QKI: variants seen among roughly 807,000 people sequenced by gnomAD.
QKI encodes the protein QKI, KH domain containing RNA binding.
QKI carries 10 observed loss-of-function variants against 39.0 expected under a neutral mutation model. The observed-to-expected ratio is 0.26, with a 90% confidence interval of 0.16 to 0.43. The LOEUF (loss-of-function observed/expected upper bound fraction) is 0.43. Ranked by LOEUF, QKI falls within the 20% of genes least tolerant of loss-of-function variation. The pLI is 1.00. For missense variants in QKI, 218 were observed against 428.0 expected (o/e 0.51, Z 4.33); for synonymous variants, 204 against 155.4 (o/e 1.31, Z -2.33).
At chr6:163,537,698 G>GA (rs1244748162) in intron 4 of QKI, among the ~76,000 whole-genome samples, 1 of 152,144 alleles carries the variant, frequency 6.6e-6, no homozygotes, top group Non-Finnish European at 1.5e-5. Context: ...CCATGGTCCT[G>GA]AAAAACACCA....
At chr6:163,564,135 AAGT>A (rs1439078693) in intron 6 of QKI, 4 of 1,029,894 alleles carry the variant, frequency 3.9e-6, no homozygotes, top group Non-Finnish European at 4.7e-6. Flanking sequence ...TTCTAAGTGA[AAGT>A]AGTCTGAGCG....
chr6:163,429,699 GGTT>G (rs1209696333), intron 1 of QKI, among the ~76,000 whole-genome samples: 1 of 152,136 alleles, frequency 6.6e-6, no homozygotes, highest in Non-Finnish European at 1.5e-5. Context: ...AGTAGAAACT[GGTT>G]GTTAGGATGC....
intron 4 of QKI, among the ~76,000 whole-genome samples, 174 bp downstream of exon 4, chr6:163,535,299 A>G (rs1246847786): frequency 6.6e-6 from 1 of 152,150 alleles, no homozygotes; most frequent in Non-Finnish European, 1.5e-5. Context: ...TAAAGTTCGT[A>G]TTTAGGGGTC....
chr6:163,415,094 G>C lies in QKI; in HGVS notation c.-100G>C. ...GGAGCCGGCGCGGAGCGGGACGCCG[G>C]GTCCCGAGCGGCCCGCGGCCGGGGC... On this transcript the variant is annotated 5_prime_UTR_variant, in exon 1 of 8. Coordinates refer to ENST00000361752, the MANE Select transcript of QKI (RefSeq NM_006775.3). 1 of 1,008,144 alleles carries C rather than the reference G, an allele frequency of 9.9e-7. No homozygotes were observed. Among genetic ancestry groups the C allele is most frequent in the Admixed American group, 6.2e-5 (1 of 16,184 alleles). The allele number at this position is 1,008,144 out of a possible 1,614,324, so 62.4% of individuals were successfully genotyped here.
At chr6:163,460,565 A>C (rs1037720119) in intron 2 of QKI, among the ~76,000 whole-genome samples, 7 of 152,114 alleles carry the variant, frequency 4.6e-5, no homozygotes, top group African/African-American at 1.7e-4. Context: ...TAGTTAGCAT[A>C]GGGTTGTTGT....
intron 1 of QKI, among the ~76,000 whole-genome samples, chr6:163,433,797 GC>G (rs1356268849): frequency 2.0e-5 from 3 of 152,176 alleles, no homozygotes; most frequent in African/African-American, 7.2e-5. Flanking sequence ...ACGAAAGGTA[GC>G]ATGCCTTGCA....
chr6:163,480,232 G>GGTCTGTCT (rs200667684), intron 3 of QKI, among the ~76,000 whole-genome samples: 6 of 151,794 alleles, frequency 4.0e-5, no homozygotes, highest in African/African-American at 1.2e-4. Flanking sequence ...AGGAAGGTTT[G>GGTCTGTCT]GTCTGTCTGT....
intron 4 of QKI, among the ~76,000 whole-genome samples, chr6:163,549,733 A>G (rs1262324132): frequency 2.6e-5 from 4 of 152,092 alleles, no homozygotes; most frequent in African/African-American, 7.2e-5. Context: ...CAAAACAAAA[A>G]CATACTACAT....
intron 1 of QKI, among the ~76,000 whole-genome samples, chr6:163,444,540 A>G (rs1192067593): frequency 4.7e-5 from 2 of 42,738 alleles, no homozygotes; most frequent in Non-Finnish European, 9.8e-5. Context: ...AAAGCAGTAT[A>G]TTAAAGAAAA....
chr6:163,458,133 AG>A (rs146256366), intron 2 of QKI, among the ~76,000 whole-genome samples: 5,552 of 152,270 alleles, frequency 0.036, 114 homozygotes, highest in Middle Eastern at 0.058. Context: ...GGTCAAAAGT[AG>A]GAACTCAGAT....
intron 1 of QKI, among the ~76,000 whole-genome samples, chr6:163,435,049 CT>C (rs930690666): frequency 2.0e-5 from 3 of 152,022 alleles, no homozygotes; most frequent in Admixed American, 2.0e-4. Context: ...AAAATTGCAA[CT>C]TGTGTATATT....
chr6:163,556,503 CAAA>C (rs61233361), intron 4 of QKI, among the ~76,000 whole-genome samples: 2,292 of 83,078 alleles, frequency 0.028, 37 homozygotes, highest in African/African-American at 0.061. Flanking sequence ...AATTCCACCT[CAAA>C]AAAAAAAAAA....
chr6:163,453,587 G>A (rs574380153), intron 1 of QKI, among the ~76,000 whole-genome samples: 14 of 152,192 alleles, frequency 9.2e-5, no homozygotes, highest in African/African-American at 3.4e-4. Context: ...GAGAATTGCT[G>A]TCATATGCTA....
intron 1 of QKI, among the ~76,000 whole-genome samples, chr6:163,417,954 A>G (rs978205589): frequency 6.6e-6 from 1 of 152,162 alleles, no homozygotes; most frequent in Non-Finnish European, 1.5e-5. Flanking sequence ...ACTTAAGAAA[A>G]ATATTGGTTT....
intron 4 of QKI, among the ~76,000 whole-genome samples, chr6:163,550,142 C>A (rs976463495): frequency 6.6e-6 from 1 of 152,114 alleles, no homozygotes; most frequent in African/African-American, 2.4e-5. Context: ...GAATTTATTT[C>A]TTTGTTATGG....
chr6:163,523,286 A>C (rs777090133), intron 3 of QKI, among the ~76,000 whole-genome samples: 1 of 152,292 alleles, frequency 6.6e-6, no homozygotes, highest in Admixed American at 6.5e-5. Context: ...TATTTTCCCT[A>C]ACTAATGTAG....
chr6:163,436,781 C>T (rs1789313948), intron 1 of QKI, among the ~76,000 whole-genome samples: 1 of 106,128 alleles, frequency 9.4e-6, no homozygotes, highest in African/African-American at 3.7e-5. Flanking sequence ...CAGAGCGAGA[C>T]TCCGTCTCAA....
At chr6:163,527,481 G>A (rs1366851373) in intron 3 of QKI, among the ~76,000 whole-genome samples, 9 of 152,152 alleles carry the variant, frequency 5.9e-5, no homozygotes, top group Non-Finnish European at 1.3e-4. Flanking sequence ...TAAGAGCACA[G>A]TAGGAGCAGA....
intron 1 of QKI, among the ~76,000 whole-genome samples, chr6:163,419,863 A>T (rs1787848302): frequency 6.6e-6 from 1 of 152,222 alleles, no homozygotes; most frequent in Non-Finnish European, 1.5e-5. Context: ...AATGACTGAG[A>T]ATGTCAAGTT....
Sources: gnomAD v4.1 joint callset for allele counts (sites outside exome capture counted in the v4.1 genomes callset) on GRCh38, gnomAD v4.1.1 for gene constraint, MANE v1.5 for transcripts, NCBI Gene and HGNC (gene_info 2026-07-23, HGNC 2026-07-21) for gene names.